PPP1R13B: variants seen among roughly 807,000 people sequenced by gnomAD.
PPP1R13B encodes protein phosphatase 1 regulatory subunit 13B.
In PPP1R13B, 44 loss-of-function variants were observed where a neutral mutation model predicts 119.8. That is an observed-to-expected ratio of 0.37 (90% confidence interval 0.29 to 0.47). The LOEUF (loss-of-function observed/expected upper bound fraction) is 0.47. Among genes scored for constraint, PPP1R13B ranks in the 20% least tolerant of loss-of-function variants. PPP1R13B has a pLI of 0.99. For synonymous variants in PPP1R13B, 542 were observed against 561.5 expected (o/e 0.97, Z 0.49); for missense variants, 1,227 against 1,413.5 (o/e 0.87, Z 2.12).
chr14:103,807,188 T>C (rs2086036194), intron 1 of PPP1R13B, among the ~76,000 whole-genome samples: 1 of 152,188 alleles, frequency 6.6e-6, no homozygotes, highest in Non-Finnish European at 1.5e-5. Context: ...CTACTGACAT[T>C]GTATTACCCT....
chr14:103,821,548 T>C (rs1311969481), intron 1 of PPP1R13B, among the ~76,000 whole-genome samples: 1 of 152,120 alleles, frequency 6.6e-6, no homozygotes, highest in East Asian at 1.9e-4. Flanking sequence ...GGTTGGGAGT[T>C]CGAGACCAGC....
intron 8 of PPP1R13B, among the ~76,000 whole-genome samples, chr14:103,749,505 G>A (rs59361269): frequency 0.026 from 3,959 of 152,276 alleles, 184 homozygotes; most frequent in African/African-American, 0.091. Flanking sequence ...TGTGACTCCA[G>A]AGCCAACAGC....
At chr14:103,759,606 TTAAAC>T (rs2084757503) in intron 4 of PPP1R13B, among the ~76,000 whole-genome samples, 1 of 152,090 alleles carries the variant, frequency 6.6e-6, no homozygotes, top group South Asian at 2.1e-4. Context: ...GTGCCCAGAC[TTAAAC>T]ACTTTTTGAC....
intron 9 of PPP1R13B, among the ~76,000 whole-genome samples, chr14:103,745,663 G>A (rs941571554): frequency 6.6e-6 from 1 of 152,220 alleles, no homozygotes; most frequent in African/African-American, 2.4e-5. Flanking sequence ...GATCAATGAG[G>A]ACAGAGCGCT....
chr14:103,839,028 G>C (rs747473696), intron 1 of PPP1R13B, among the ~76,000 whole-genome samples: 4 of 151,998 alleles, frequency 2.6e-5, no homozygotes, highest in Non-Finnish European at 4.4e-5. Context: ...ACAGAGTCTT[G>C]CTTTGTCACC....
intron 1 of PPP1R13B, among the ~76,000 whole-genome samples, chr14:103,813,506 C>G (rs751235311): frequency 6.6e-6 from 1 of 152,100 alleles, no homozygotes; most frequent in Non-Finnish European, 1.5e-5. Flanking sequence ...GTGAGTCTCA[C>G]GAGATCTGAT....
chr14:103,816,021 T>G (rs2086270866), intron 1 of PPP1R13B, among the ~76,000 whole-genome samples: 1 of 151,638 alleles, frequency 6.6e-6, no homozygotes, highest in Non-Finnish European at 1.5e-5. Flanking sequence ...GAGACAGAGC[T>G]TGCAGTGAGC....
intron 1 of PPP1R13B, among the ~76,000 whole-genome samples, chr14:103,819,906 C>G (rs1389548476): frequency 6.6e-6 from 1 of 152,116 alleles, no homozygotes. Flanking sequence ...AAAGAGAAAC[C>G]TGAGTTGTAA....
intron 1 of PPP1R13B, among the ~76,000 whole-genome samples, chr14:103,817,519 T>C (rs2152065818): frequency 6.6e-6 from 1 of 152,354 alleles, no homozygotes; most frequent in Admixed American, 6.5e-5. Flanking sequence ...TCATGTTTTA[T>C]GCTTCTGAAA....
At chr14:103,817,557 A>T (rs1452710125) in intron 1 of PPP1R13B, among the ~76,000 whole-genome samples, 1 of 152,212 alleles carries the variant, frequency 6.6e-6, no homozygotes, top group Non-Finnish European at 1.5e-5. Context: ...AGTAGGGTAC[A>T]TACAGAGCTA....
chr14:103,819,177 G>C (rs1261482796), intron 1 of PPP1R13B, among the ~76,000 whole-genome samples: 1 of 152,168 alleles, frequency 6.6e-6, no homozygotes, highest in Non-Finnish European at 1.5e-5. Flanking sequence ...AAAGGGAGAG[G>C]AGTAGGAAAT....
chr14:103,742,266 G>C lies in PPP1R13B; in HGVS notation c.1346C>G (p.Pro449Arg). ...KPGIEIGKVPPPIPGVGKQLP... is the reference protein window; with the variant it reads ...KPGIEIGKVPRPIPGVGKQLP... ...CTGCTTGCCTACACCCGGGATGGGAGGTGGCACTTTACCAATCTCGATGCC... is the reference window on the plus strand; with the variant it reads ...CTGCTTGCCTACACCCGGGATGGGACGTGGCACTTTACCAATCTCGATGCC... The change falls in exon 11 of 17, where the codon CCT becomes CGT. Residue 449 changes from proline (P) to arginine (R), a missense_variant. Coordinates refer to ENST00000202556, the MANE Select transcript of PPP1R13B (RefSeq NM_015316.3). This position sits in a 1 kb window ranked among gnomAD's most constrained non-coding sequence, Gnocchi z 4.9. The C allele has an allele frequency of 6.4e-7, 1 of 1,570,664 alleles. No homozygotes were observed. The highest frequency in any genetic ancestry group is 8.6e-7 in the Non-Finnish European group (1 of 1,164,060).
At chr14:103,831,187 C>A (rs1188404414) in intron 1 of PPP1R13B, among the ~76,000 whole-genome samples, 1 of 152,068 alleles carries the variant, frequency 6.6e-6, no homozygotes, top group East Asian at 1.9e-4. Context: ...TCATGATCTG[C>A]CCACCTCGAC....
intron 2 of PPP1R13B, chr14:103,794,665 T>TA (rs557361588): frequency 0.023 from 8,926 of 388,876 alleles, 11 homozygotes; most frequent in Non-Finnish European, 0.026. Flanking sequence ...CTCTGAAACC[T>TA]AAAAAAAAAA....
In PPP1R13B at chr14:103,846,437, CTG is replaced by C. The variant is rs1273790800; in HGVS notation, c.9+860_9+861del. ...GTAGTATTGTAGGTTAAAAAAATGA[CTG>C]TGTTACTTTACTATAAACGTGTTTG... On this transcript the variant is annotated intron_variant, in intron 1 of 16. Coordinates refer to ENST00000202556, the MANE Select transcript of PPP1R13B (RefSeq NM_015316.3). 1.3e-4 allele frequency among the ~76,000 whole-genome samples: 20 copies of C among 152,330 alleles called. No homozygotes were observed. The East Asian group carries it at 1.3e-3, about 10-fold the overall frequency.
chr14:103,738,076 T>C lies in PPP1R13B; in HGVS notation c.2865-216A>G, dbSNP rs2084158468. ...GGGGCACAGGGAATGGGTTAAGAAA[T>C]GGCCAATCCACAGATGTTCACGCCA... On this transcript the variant is annotated intron_variant, in intron 14 of 16. Coordinates refer to ENST00000202556, the MANE Select transcript of PPP1R13B (RefSeq NM_015316.3). This position sits in a 1 kb window ranked among gnomAD's most constrained non-coding sequence, Gnocchi z 5.6. 6.6e-6 allele frequency among the ~76,000 whole-genome samples: 1 copy of C among 152,226 alleles called. No individual in the cohort carries two copies. Among genetic ancestry groups the C allele is most frequent in the South Asian group, 2.1e-4 (1 of 4,838 alleles).
At chr14:103,817,044 T>G (rs893622721) in intron 1 of PPP1R13B, among the ~76,000 whole-genome samples, 4 of 152,246 alleles carry the variant, frequency 2.6e-5, no homozygotes, top group Non-Finnish European at 5.9e-5. Context: ...TCAGAGTTAC[T>G]GTTCTTAAAA....
At chr14:103,760,259 T>A (rs2084772907) in intron 4 of PPP1R13B, among the ~76,000 whole-genome samples, 1 of 152,220 alleles carries the variant, frequency 6.6e-6, no homozygotes, top group Non-Finnish European at 1.5e-5. Flanking sequence ...ATAATAGGCC[T>A]ATCACTGTAT....
intron 1 of PPP1R13B, among the ~76,000 whole-genome samples, chr14:103,814,016 T>C (rs2086220057): frequency 6.6e-6 from 1 of 152,214 alleles, no homozygotes; most frequent in Non-Finnish European, 1.5e-5. Context: ...GTACTACTCT[T>C]CACTTTACAG....
Sources: gnomAD v4.1 joint callset for allele counts (sites outside exome capture counted in the v4.1 genomes callset) on GRCh38, gnomAD v4.1.1 for gene constraint, Gnocchi (gnomAD v3.1) non-coding constraint, MANE v1.5 for transcripts, NCBI Gene and HGNC (gene_info 2026-07-23, HGNC 2026-07-21) for gene names.